Variants in FRMD1 observed in about 807,000 individuals in gnomAD.
FRMD1 encodes the protein FERM domain-containing protein 1.
Under a neutral mutation model 54.9 loss-of-function variants are expected in FRMD1, and 51 were observed. The observed-to-expected ratio is 0.93, with a 90% confidence interval of 0.74 to 1.17. The LOEUF is 1.17. Ranked by LOEUF, FRMD1 falls within the 50% of genes most tolerant of loss-of-function variation. The pLI, the probability that FRMD1 is intolerant of heterozygous loss-of-function variation, is 0.00. For synonymous variants in FRMD1, 324 were observed against 306.4 expected (o/e 1.06, Z -0.60); for missense variants, 729 against 743.0 (o/e 0.98, Z 0.22).
At position 168,061,817 on chromosome 6, in the gene FRMD1, C is replaced by G; in HGVS notation, c.1035G>C (p.Glu345Asp). 6.4e-7 allele frequency: 1 copy of G among 1,555,338 alleles called. No homozygotes were observed. Among genetic ancestry groups the G allele is most frequent in the African/African-American group, 1.4e-5 (1 of 73,512 alleles). ...RPTLQQLRQR[E>D]EAEEKQHYRE... ...CCAGCCCAGCCCCACCTTCTGCCTC[C>G]TCCCGCTGCCGCAGCTGTTGCAGAG... The change falls in exon 8 of 11, where the codon GAG becomes GAC. Residue 345 changes from glutamate (E) to aspartate (D), a missense_variant. Glu to Asp is a conservative substitution (Grantham distance 45). Transcript: ENST00000283309.
chr6:168,066,366 C>T (rs889469569), intron 4 of FRMD1: 7 of 465,940 alleles, frequency 1.5e-5, no homozygotes, highest in African/African-American at 8.5e-5. Flanking sequence ...GGTGTGGTGG[C>T]GCCCGCCTGT....
At chr6:168,061,375 G>T (rs968856247) in intron 8 of FRMD1, among the ~76,000 whole-genome samples, 6 of 152,004 alleles carry the variant, frequency 3.9e-5, no homozygotes, top group Admixed American at 3.3e-4. Flanking sequence ...GTGAGGATGT[G>T]GAACAGGGAG....
upstream of FRMD1, chr6:168,081,500 C>A: frequency 6.5e-7 from 1 of 1,532,824 alleles, no homozygotes; most frequent in South Asian, 1.2e-5. Flanking sequence ...GAGTCCTCCT[C>A]GGCCCAACTC....
intron 1 of FRMD1, among the ~76,000 whole-genome samples, chr6:168,086,590 T>C (rs1453057380): frequency 2.5e-5 from 2 of 80,146 alleles, no homozygotes; most frequent in Non-Finnish European, 6.8e-5. Flanking sequence ...ACTGCCCATG[T>C]TCCAGCATGG....
At chr6:168,067,076 C>A in intron 3 of FRMD1, 1 of 711,980 alleles carries the variant, frequency 1.4e-6, no homozygotes, top group Non-Finnish European at 2.5e-6. Context: ...CACCTGCTTG[C>A]AGCCTCAGGG....
chr6:168,084,170 C>T (rs1021525261), upstream of FRMD1, among the ~76,000 whole-genome samples: 4 of 152,120 alleles, frequency 2.6e-5, no homozygotes, highest in Non-Finnish European at 5.9e-5. Flanking sequence ...TCTGCCTCTT[C>T]CTATTGGAAA....
chr6:168,068,845 G>A (rs1190845803), intron 2 of FRMD1, among the ~76,000 whole-genome samples: 1 of 152,240 alleles, frequency 6.6e-6, no homozygotes, highest in Non-Finnish European at 1.5e-5. Flanking sequence ...CAGTGAGGAA[G>A]ACTTACCCAC....
At chr6:168,078,608 T>TGCTCACCCCCACAGCCCTGCTCACCCC (rs1800701167) in intron 1 of FRMD1, among the ~76,000 whole-genome samples, 2 of 25,736 alleles carry the variant, frequency 7.8e-5, no homozygotes, top group African/African-American at 1.5e-4. Context: ...CTGCTCACCC[T>TGCTCACCCCCACAGCCCTGCTCACCCC]CACGGCCCTG....
intron 7 of FRMD1, among the ~76,000 whole-genome samples, chr6:168,062,515 C>G (rs1313205371): frequency 6.6e-6 from 1 of 152,200 alleles, no homozygotes; most frequent in East Asian, 1.9e-4. Context: ...GGGCCAGGCA[C>G]AAAGCCCGTG....
intron 4 of FRMD1, chr6:168,065,614 C>T: frequency 1.0e-6 from 1 of 986,602 alleles, no homozygotes; most frequent in South Asian, 4.7e-5. Flanking sequence ...CCAACACTTT[C>T]CAGACCTCCC....
chr6:168,092,622 C>G (rs1583217383), intron 1 of FRMD1, among the ~76,000 whole-genome samples: 2 of 152,102 alleles, frequency 1.3e-5, no homozygotes, highest in African/African-American at 2.4e-5. Context: ...AAGAAGGTGC[C>G]GTCTGCAAGG....
chr6:168,085,348 C>T (rs1220076459), upstream of FRMD1, among the ~76,000 whole-genome samples: 2 of 152,254 alleles, frequency 1.3e-5, no homozygotes, highest in African/African-American at 2.4e-5. Context: ...CTCCAGCCTC[C>T]CTCCACATGG....
rs1014703208 is a variant in FRMD1 at position 168,054,759 on chromosome 6, A to G, written c.*2338T>C. 2.6e-5 allele frequency: 4 copies of G among 152,296 alleles called. No individual in the cohort carries two copies. Among genetic ancestry groups the G allele is most frequent in the African/African-American group, 9.7e-5 (4 of 41,442 alleles). The allele number at this position is 152,296 out of a possible 1,614,324, so 9.4% of individuals were successfully genotyped here. On this transcript the variant is annotated 3_prime_UTR_variant, in exon 11 of 11. Transcript: ENST00000283309. ...GTCTGGGAAGGAGCCCCCTCCCAGG[A>G]TGGCCTTCTGCTTCCAGCTCCGCTC...
At chr6:168,072,822 A>G (rs1800377604) in intron 2 of FRMD1, among the ~76,000 whole-genome samples, 1 of 152,114 alleles carries the variant, frequency 6.6e-6, no homozygotes, top group Non-Finnish European at 1.5e-5. Flanking sequence ...TTTTCTTTTC[A>G]TTTCTAAAAT....
intron 5 of FRMD1, 126 bp downstream of exon 5, chr6:168,064,745 C>T: frequency 6.9e-7 from 1 of 1,440,518 alleles, no homozygotes; most frequent in South Asian, 1.5e-5. Flanking sequence ...GCCCTGTTTC[C>T]ATCCCTGACC....
chr6:168,084,074 G>A (rs1800879840), upstream of FRMD1, among the ~76,000 whole-genome samples: 1 of 152,122 alleles, frequency 6.6e-6, no homozygotes, highest in African/African-American at 2.4e-5. Flanking sequence ...AACTCCCACG[G>A]CCTCCCAGGT....
intron 6 of FRMD1, 32 bp from the exon 7 acceptor site, chr6:168,062,991 G>C (rs934240452): frequency 6.3e-7 from 1 of 1,589,560 alleles, no homozygotes; most frequent in African/African-American, 1.3e-5. Flanking sequence ...TCAAGTTGCA[G>C]GCCTGGAGGT....
rs777305419 is a variant in FRMD1 at position 168,061,828 on chromosome 6, G to A, written c.1024C>T (p.Arg342Trp). The change falls in exon 8 of 11, where the codon CGG becomes TGG. Residue 342 changes from arginine (R) to tryptophan (W), a missense_variant. Coordinates refer to ENST00000283309, the MANE Select transcript of FRMD1 (RefSeq NM_024919.6). ...LRVRPTLQQLRQREEAEEKQH... is the reference protein window; with the variant it reads ...LRVRPTLQQLWQREEAEEKQH... ...CCACCTTCTGCCTCCTCCCGCTGCCGCAGCTGTTGCAGAGTGGGCCGCACG... is the reference window on the plus strand; with the variant it reads ...CCACCTTCTGCCTCCTCCCGCTGCCACAGCTGTTGCAGAGTGGGCCGCACG... 20 of 1,563,296 alleles carry A rather than the reference G, an allele frequency of 1.3e-5. No individual in the cohort carries two copies. The highest frequency in any genetic ancestry group is 5.4e-5 in the African/African-American group (4 of 73,762).
At chr6:168,062,449 C>T (rs1226468707) in intron 7 of FRMD1, among the ~76,000 whole-genome samples, 2 of 152,224 alleles carry the variant, frequency 1.3e-5, no homozygotes, top group Admixed American at 1.3e-4. Flanking sequence ...AGTTTTCAAG[C>T]GATAACAACA....
Sources: allele counts gnomAD v4.1 joint callset (sites outside exome capture counted in the v4.1 genomes callset), GRCh38; gene constraint gnomAD v4.1.1; transcripts MANE v1.5; gene names NCBI Gene and HGNC (gene_info 2026-07-23, HGNC 2026-07-21).